Variants in VAT1L observed in about 807,000 individuals in gnomAD.
VAT1L encodes putative NADPH-dependent quinone oxidoreductase VAT1L.
Under a neutral mutation model 44.1 loss-of-function variants are expected in VAT1L, and 34 were observed. That is an observed-to-expected ratio of 0.77 (90% CI 0.59 to 1.03). The LOEUF is 1.03. Ranked by LOEUF, VAT1L falls within the 50% of genes least tolerant of loss-of-function variation. The pLI is 0.00. For synonymous variants in VAT1L, 253 were observed against 202.2 expected, an observed-to-expected ratio of 1.25 and a Z score of -2.13; for missense variants, 615 against 538.8, an observed-to-expected ratio of 1.14 and a Z score of -1.40.
chr16:77,836,800 C>G (rs1229559449), intron 3 of VAT1L, among the ~76,000 whole-genome samples: 1 of 152,180 alleles, frequency 6.6e-6, no homozygotes, highest in Non-Finnish European at 1.5e-5. Flanking sequence ...ATGATTGACT[C>G]AAATGAACTA....
chr16:77,974,299 C>A (rs1456529333), intron 8 of VAT1L, among the ~76,000 whole-genome samples: 2 of 152,098 alleles, frequency 1.3e-5, no homozygotes, highest in African/African-American at 4.8e-5. Flanking sequence ...CTCTTTCAGT[C>A]CCATTTGGAG....
chr16:77,805,770 T>C (rs74029407), intron 1 of VAT1L, among the ~76,000 whole-genome samples: 1,601 of 151,932 alleles, frequency 0.011, 29 homozygotes, highest in African/African-American at 0.037. Context: ...AGCCCTGAAG[T>C]GTGATTTTTC....
chr16:77,812,205 T>C (rs1182715529), intron 1 of VAT1L, among the ~76,000 whole-genome samples: 1 of 151,984 alleles, frequency 6.6e-6, no homozygotes, highest in Non-Finnish European at 1.5e-5. Context: ...CCTGAGTAGC[T>C]GAGACTATAG....
At chr16:77,902,677 C>T (rs2017395073) in intron 7 of VAT1L, among the ~76,000 whole-genome samples, 1 of 123,846 alleles carries the variant, frequency 8.1e-6, no homozygotes, top group South Asian at 2.7e-4. Flanking sequence ...ATAAAAAGGC[C>T]GAGCATGGTG....
At chr16:77,791,645 C>T (rs1322175963) in intron 1 of VAT1L, among the ~76,000 whole-genome samples, 1 of 152,178 alleles carries the variant, frequency 6.6e-6, no homozygotes, top group Non-Finnish European at 1.5e-5. Flanking sequence ...AAAGCCTTAG[C>T]ACATGTGATT....
intron 3 of VAT1L, among the ~76,000 whole-genome samples, chr16:77,851,170 G>A (rs187454260): frequency 1.5e-3 from 236 of 152,300 alleles, no homozygotes; most frequent in African/African-American, 5.1e-3. Flanking sequence ...ATACTAGCCC[G>A]TCTTTCTAAT....
intron 7 of VAT1L, among the ~76,000 whole-genome samples, chr16:77,921,987 A>G (rs1216445805): frequency 2.0e-5 from 3 of 152,078 alleles, no homozygotes; most frequent in African/African-American, 7.2e-5. Flanking sequence ...GGCTCAAGCA[A>G]TTCTCTTGCC....
intron 7 of VAT1L, chr16:77,892,443 T>C (rs1286396495): frequency 4.1e-6 from 2 of 485,860 alleles, no homozygotes; most frequent in Admixed American, 4.6e-5. Flanking sequence ...CCCACTATGT[T>C]GGGGTTGACA....
chr16:77,930,403 G>A lies in VAT1L; in HGVS notation c.1078-41447G>A, dbSNP rs139942628. ...ATCCATTGATCCTATCTCTTACCTC[G>A]GGGAGAAGGGCCCACAGGAATTTAG... On this transcript the variant is annotated intron_variant, in intron 7 of 8. Transcript: ENST00000302536. 4.4e-4 allele frequency among the ~76,000 whole-genome samples: 67 copies of A among 152,214 alleles called. No individual in the cohort carries two copies. The East Asian group carries it at 0.011, about 25-fold the overall frequency.
chr16:77,854,561 G>T (rs897816371), intron 3 of VAT1L, among the ~76,000 whole-genome samples: 2 of 152,154 alleles, frequency 1.3e-5, no homozygotes, highest in African/African-American at 4.8e-5. Flanking sequence ...TAAGAAAAAC[G>T]TAAGTATGGC....
chr16:77,970,982 A>G (rs2018272414), intron 7 of VAT1L, among the ~76,000 whole-genome samples: 1 of 149,962 alleles, frequency 6.7e-6, no homozygotes, highest in Non-Finnish European at 1.5e-5. Flanking sequence ...AGACTTCAGG[A>G]AAAATATTTA....
intron 1 of VAT1L, among the ~76,000 whole-genome samples, chr16:77,802,699 A>G (rs925300391): frequency 6.6e-6 from 1 of 151,208 alleles, no homozygotes; most frequent in Non-Finnish European, 1.5e-5. Flanking sequence ...GGCACGGACA[A>G]AACTTCTCAA....
At position 77,978,821 on chromosome 16, in the gene VAT1L, T is replaced by G. The variant is rs889138279; in HGVS notation, c.*1126T>G. ...GAACAAGCCACCTGCTCACACACCT[T>G]GTTCAACTTTTCAGCTCCTAAGGAA... On this transcript the variant is annotated 3_prime_UTR_variant, in exon 9 of 9. Coordinates refer to ENST00000302536, the MANE Select transcript of VAT1L (RefSeq NM_020927.3). 1 of 152,266 alleles carries G rather than the reference T, an allele frequency of 6.6e-6. No individual in the cohort carries two copies. The highest frequency in any genetic ancestry group is 2.4e-5 in the African/African-American group (1 of 41,456). The allele number at this position is 152,266 out of a possible 1,614,324, so 9.4% of individuals were successfully genotyped here. A position where few individuals can be genotyped will look rare whatever the true frequency, so the allele number is the denominator to read the frequency against.
At chr16:77,968,554 T>A (rs373595348) in intron 7 of VAT1L, among the ~76,000 whole-genome samples, 2 of 152,010 alleles carry the variant, frequency 1.3e-5, no homozygotes, top group Admixed American at 6.6e-5. Context: ...TGAAACCCCA[T>A]CTCTGCTAAA....
chr16:77,950,409 A>AACACACACACACACACACACAC lies in VAT1L; in HGVS notation c.1078-21415_1078-21394dup, dbSNP rs61168492. ...GGGCGACAGAGCAAGATTCCATCTA[A>AACACACACACACACACACACAC]ACACACACACACACACACACACACA... On this transcript the variant is annotated intron_variant, in intron 7 of 8. Coordinates refer to ENST00000302536, the MANE Select transcript of VAT1L (RefSeq NM_020927.3). 2.3e-3 allele frequency among the ~76,000 whole-genome samples: 303 copies of AACACACACACACACACACACAC among 131,464 alleles called. 3 individuals are homozygous for AACACACACACACACACACACAC. The highest frequency in any genetic ancestry group is 7.7e-3 in the African/African-American group (258 of 33,694). 86.2% of individuals were successfully genotyped at this position (131,464 alleles called of 152,430 possible).
At chr16:77,970,775 C>G (rs1302424734) in intron 7 of VAT1L, among the ~76,000 whole-genome samples, 1 of 152,156 alleles carries the variant, frequency 6.6e-6, no homozygotes, top group Non-Finnish European at 1.5e-5. Flanking sequence ...ATAGCTGTGT[C>G]AAGTTGTTAT....
chr16:77,906,429 G>A (rs893069113), intron 7 of VAT1L, among the ~76,000 whole-genome samples: 2 of 152,156 alleles, frequency 1.3e-5, no homozygotes, highest in Admixed American at 6.5e-5. Flanking sequence ...ACAGTCATAC[G>A]ATTGATGGAC....
At chr16:77,976,379 G>A (rs1025895832) in intron 8 of VAT1L, among the ~76,000 whole-genome samples, 3 of 152,202 alleles carry the variant, frequency 2.0e-5, no homozygotes, top group African/African-American at 4.8e-5. Flanking sequence ...GGAAACATAG[G>A]TATGGACTGG....
intron 6 of VAT1L, among the ~76,000 whole-genome samples, chr16:77,880,942 G>A (rs2017146889): frequency 6.6e-6 from 1 of 152,074 alleles, no homozygotes; most frequent in African/African-American, 2.4e-5. Flanking sequence ...TCTTTTTTAT[G>A]ACTGCATAGT....
Sources: allele counts gnomAD v4.1 joint callset (sites outside exome capture counted in the v4.1 genomes callset), GRCh38; gene constraint gnomAD v4.1.1; transcripts MANE v1.5; gene names NCBI Gene and HGNC (gene_info 2026-07-23, HGNC 2026-07-21).